RPTOR: variants seen among roughly 807,000 people sequenced by gnomAD.
The protein encoded by RPTOR is regulatory-associated protein of mTOR.
In RPTOR, 21 loss-of-function variants were observed where a neutral mutation model predicts 169.9. The ratio of observed to expected loss-of-function variants is 0.12; its 90% CI spans 0.09 to 0.18. RPTOR has a LOEUF of 0.18. RPTOR is among the 10% of genes least tolerant of loss of function. The pLI is 1.00. For missense variants in RPTOR, 1,133 were observed against 1,855.9 expected, an observed-to-expected ratio of 0.61 and a Z score of 7.16; for synonymous variants, 732 against 753.2, an observed-to-expected ratio of 0.97 and a Z score of 0.46.
intron 3 of RPTOR, among the ~76,000 whole-genome samples, chr17:80,665,353 C>A (rs959719853): frequency 1.9e-4 from 1 of 5,208 alleles, no homozygotes; most frequent in African/African-American, 2.5e-3. Flanking sequence ...CTTTCCTTTC[C>A]TTTCCTTTCC....
At chr17:80,548,379 T>TC (rs2084304334) in intron 1 of RPTOR, among the ~76,000 whole-genome samples, 1 of 136,300 alleles carries the variant, frequency 7.3e-6, no homozygotes, top group East Asian at 2.1e-4. Flanking sequence ...TGGTTTTTTT[T>TC]TTTTTTTTTT....
At chr17:80,565,142 C>T (rs2084563848) in intron 1 of RPTOR, among the ~76,000 whole-genome samples, 1 of 152,302 alleles carries the variant, frequency 6.6e-6, no homozygotes, top group Non-Finnish European at 1.5e-5. Flanking sequence ...GTCCCAGTTC[C>T]TCCACATGCT....
At chr17:80,703,204 C>T (rs983178327) in intron 3 of RPTOR, among the ~76,000 whole-genome samples, 10 of 152,188 alleles carry the variant, frequency 6.6e-5, no homozygotes, top group African/African-American at 2.2e-4. Flanking sequence ...AATTAGACTC[C>T]GAAATCTCGA....
chr17:80,679,135 C>T (rs991631687), intron 3 of RPTOR, among the ~76,000 whole-genome samples: 4 of 152,160 alleles, frequency 2.6e-5, no homozygotes, highest in Admixed American at 6.5e-5. Context: ...CCCAGCTACT[C>T]GGGAGGCTGA....
intron 23 of RPTOR, 85 bp downstream of exon 23, chr17:80,923,758 T>C: frequency 1.4e-6 from 2 of 1,398,228 alleles, no homozygotes; most frequent in South Asian, 1.4e-5. Flanking sequence ...CTCAGGCTGC[T>C]CACATCACCA....
intron 21 of RPTOR, among the ~76,000 whole-genome samples, chr17:80,912,995 T>TGTGTGTGTGTCTGTGTGC (rs1722911768): frequency 6.6e-6 from 1 of 152,004 alleles, no homozygotes; most frequent in Non-Finnish European, 1.5e-5. Context: ...CATGAGCTTG[T>TGTGTGTGTGTCTGTGTGC]GTGTGTGTGT....
At position 80,964,335 on chromosome 17, in the gene RPTOR, G is replaced by A. The variant is rs113807678; in HGVS notation, c.*5G>A. The A allele has an allele frequency of 1.5e-4, 236 of 1,605,850 alleles. No individual in the cohort carries two copies. In the African/African-American group the frequency reaches 2.3e-3, roughly 15 times the overall value. On this transcript the variant is annotated 3_prime_UTR_variant, in exon 34 of 34. Coordinates refer to ENST00000306801, the MANE Select transcript of RPTOR (RefSeq NM_020761.3). ...GTGGAGAAGCGTGTCAGATAGCGGC[G>A]TGACCCGGGCCCACCAGGCCACGGC...
At chr17:80,880,367 C>A (rs373457598) in intron 13 of RPTOR, 48 bp from the exon 14 acceptor site, 2 of 1,514,066 alleles carry the variant, frequency 1.3e-6, no homozygotes, top group African/African-American at 2.7e-5. Flanking sequence ...CTTGTGGCAT[C>A]TGCGGGACAC....
intron 6 of RPTOR, among the ~76,000 whole-genome samples, chr17:80,786,426 C>G (rs2066991841): frequency 1.3e-5 from 2 of 151,964 alleles, no homozygotes; most frequent in African/African-American, 4.8e-5. Flanking sequence ...ACAAGGTTAC[C>G]GAGCTGAACA....
At position 80,845,447 on chromosome 17, in the gene RPTOR, C is replaced by T. The variant is rs565974582; in HGVS notation, c.1213-1026C>T. On this transcript the variant is annotated intron_variant, in intron 10 of 33. Transcript: ENST00000306801. The surrounding 1 kb of genome is among the most constrained non-coding windows in gnomAD (Gnocchi z 5.4). ...TTTCACTGAGGAAACAAGAAGCAGT[C>T]GCATGACCGCCTCTGCCGGGTCCTC... 1.3e-5 allele frequency among the ~76,000 whole-genome samples: 2 copies of T among 152,238 alleles called. No individual in the cohort carries two copies. Among genetic ancestry groups the T allele is most frequent in the South Asian group, 2.1e-4 (1 of 4,826 alleles).
At chr17:80,880,101 G>A (rs545847149) in intron 13 of RPTOR, among the ~76,000 whole-genome samples, 1 of 152,250 alleles carries the variant, frequency 6.6e-6, no homozygotes, top group Admixed American at 6.5e-5. Flanking sequence ...GGGAGGGAGC[G>A]GGACCCCTGG....
At chr17:80,818,192 C>G (rs1379201354) in intron 7 of RPTOR, among the ~76,000 whole-genome samples, 1 of 152,212 alleles carries the variant, frequency 6.6e-6, no homozygotes, top group African/African-American at 2.4e-5. Context: ...ACAGGTACCA[C>G]GAGTCATCCA....
At chr17:80,881,654 AC>A (rs1021609240) in intron 14 of RPTOR, among the ~76,000 whole-genome samples, 12 of 152,202 alleles carry the variant, frequency 7.9e-5, no homozygotes, top group African/African-American at 2.7e-4. Flanking sequence ...CCCCGTTTCT[AC>A]CAAAAATACA....
chr17:80,940,778 G>A (rs1432772118), intron 25 of RPTOR, among the ~76,000 whole-genome samples, 177 bp downstream of exon 25: 1 of 152,254 alleles, frequency 6.6e-6, no homozygotes, highest in East Asian at 1.9e-4. Context: ...CAAGGCTGGT[G>A]GAGATGAAGC....
At position 80,740,403 on chromosome 17, in the gene RPTOR, A is replaced by G. The variant is rs1232931373; in HGVS notation, c.654+9697A>G. Among the ~76,000 whole-genome samples the G allele has an allele frequency of 2.0e-5, 3 of 152,236 alleles. No individual in the cohort carries two copies. In the South Asian group the frequency reaches 6.2e-4, roughly 31 times the overall value. ...TCCAGAAGATAGAAGGGTTGGGAAC[A>G]CATTTCAACTCATTTTATGAGGCCA... On this transcript the variant is annotated intron_variant, in intron 5 of 33. Coordinates refer to ENST00000306801, the MANE Select transcript of RPTOR (RefSeq NM_020761.3).
intron 5 of RPTOR, among the ~76,000 whole-genome samples, chr17:80,739,728 TA>T (rs961078049): frequency 2.1e-4 from 31 of 150,986 alleles, no homozygotes; most frequent in African/African-American, 7.0e-4. Flanking sequence ...CAAGGGAAAT[TA>T]AAAAAAAATA....
chr17:80,575,120 A>G (rs1409840820), intron 1 of RPTOR, among the ~76,000 whole-genome samples: 8 of 152,170 alleles, frequency 5.3e-5, no homozygotes, highest in Non-Finnish European at 1.5e-5. Context: ...TGCACTTAGC[A>G]TTTAGAAATG....
intron 3 of RPTOR, among the ~76,000 whole-genome samples, chr17:80,681,071 A>G (rs1028015374): frequency 1.3e-5 from 2 of 152,026 alleles, no homozygotes; most frequent in Non-Finnish European, 2.9e-5. Flanking sequence ...GGTTTGACAG[A>G]GGTGAGGGGC....
intron 7 of RPTOR, among the ~76,000 whole-genome samples, chr17:80,808,107 C>T (rs1248262596): frequency 6.6e-6 from 1 of 150,404 alleles, no homozygotes; most frequent in Non-Finnish European, 1.5e-5. Context: ...CCAGCCTGGG[C>T]AACATGATAA....
Sources: gnomAD v4.1 joint callset for allele counts (sites outside exome capture counted in the v4.1 genomes callset) on GRCh38, gnomAD v4.1.1 for gene constraint, Gnocchi (gnomAD v3.1) non-coding constraint, MANE v1.5 for transcripts, NCBI Gene and HGNC (gene_info 2026-07-23, HGNC 2026-07-21) for gene names.